The following PTPRD variants were observed in gnomAD, a reference collection of about 807,000 sequenced individuals.
PTPRD encodes the protein receptor-type tyrosine-protein phosphatase delta.
A neutral mutation model predicts 214.5 loss-of-function variants in PTPRD; 34 were observed. That is an observed-to-expected ratio of 0.16 (90% CI 0.12 to 0.21). PTPRD has a LOEUF of 0.21. Among genes scored for constraint, PTPRD ranks in the 10% least tolerant of loss-of-function variants. The pLI is 1.00. For synonymous variants in PTPRD, 1,128 were observed against 845.7 expected, an observed-to-expected ratio of 1.33 and a Z score of -5.79; for missense variants, 2,545 against 2,398.7, an observed-to-expected ratio of 1.06 and a Z score of -1.27.
intron 4 of PTPRD, among the ~76,000 whole-genome samples, chr9:10,002,509 C>T (rs2096350600): frequency 2.0e-5 from 3 of 150,610 alleles, no homozygotes. Context: ...GTCATGAAAA[C>T]TGTTACCAAA....
At chr9:9,077,696 G>A (rs1171524080) in intron 10 of PTPRD, among the ~76,000 whole-genome samples, 1 of 151,964 alleles carries the variant, frequency 6.6e-6, no homozygotes, top group East Asian at 1.9e-4. Flanking sequence ...TCACTTTACT[G>A]GGGGAGGGAG....
intron 12 of PTPRD, among the ~76,000 whole-genome samples, chr9:8,658,656 A>G (rs1378353347): frequency 1.4e-5 from 2 of 147,674 alleles, no homozygotes; most frequent in African/African-American, 5.1e-5. Flanking sequence ...CAGCATCTAG[A>G]TAAAAGCACA....
At chr9:10,220,933 A>G (rs1219604933) in intron 3 of PTPRD, among the ~76,000 whole-genome samples, 2 of 151,924 alleles carry the variant, frequency 1.3e-5, no homozygotes, top group African/African-American at 2.4e-5. Context: ...CAAAAAATAA[A>G]TAAATAAAAC....
rs150808571 is a variant in PTPRD at position 9,792,701 on chromosome 9, A to G, written c.-367-25850T>C. On this transcript the variant is annotated intron_variant, in intron 5 of 45. Coordinates refer to ENST00000381196, the MANE Select transcript of PTPRD (RefSeq NM_002839.4). ...ACTATATGAGAGTATAAATCATAATAGCTCATTGAAAATCAGAATGCAAAT... is the reference window on the plus strand; with the variant it reads ...ACTATATGAGAGTATAAATCATAATGGCTCATTGAAAATCAGAATGCAAAT... Among the ~76,000 whole-genome samples the G allele has an allele frequency of 1.7e-4, 26 of 152,304 alleles. 1 individual carries two copies. The East Asian group carries it at 4.6e-3, about 27-fold the overall frequency.
At chr9:8,767,261 G>C (rs914203006) in intron 11 of PTPRD, among the ~76,000 whole-genome samples, 1 of 152,034 alleles carries the variant, frequency 6.6e-6, no homozygotes, top group African/African-American at 2.4e-5. Flanking sequence ...GGGATTACAG[G>C]TGTGCACCAC....
intron 3 of PTPRD, among the ~76,000 whole-genome samples, chr9:10,188,432 T>C (rs1004336071): frequency 2.6e-5 from 4 of 152,300 alleles, no homozygotes; most frequent in African/African-American, 9.6e-5. Context: ...TTTATAGTTG[T>C]CTTTCCTAGA....
chr9:8,770,035 C>T (rs2095079367), intron 11 of PTPRD, among the ~76,000 whole-genome samples: 1 of 152,166 alleles, frequency 6.6e-6, no homozygotes, highest in African/African-American at 2.4e-5. Flanking sequence ...AATCCCAGCA[C>T]TTTGGGAGGC....
chr9:9,525,866 C>T (rs632770), intron 8 of PTPRD, among the ~76,000 whole-genome samples: 128,509 of 151,618 alleles, frequency 0.85, 55,075 homozygotes, highest in East Asian at 1. Context: ...AACTTGACTG[C>T]TTTACAAATA....
At chr9:9,759,732 T>C (rs1886132) in intron 6 of PTPRD, among the ~76,000 whole-genome samples, 18,306 of 151,706 alleles carry the variant, frequency 0.12, 1,830 homozygotes, top group African/African-American at 0.27. Flanking sequence ...TAACTTTTTT[T>C]ATTTTTAGTA....
chr9:9,177,283 C>T (rs1183213163), intron 10 of PTPRD, among the ~76,000 whole-genome samples: 3 of 151,928 alleles, frequency 2.0e-5, no homozygotes, highest in Non-Finnish European at 4.4e-5. Context: ...AAACTGCCCC[C>T]ATGATTCAAT....
intron 12 of PTPRD, among the ~76,000 whole-genome samples, chr9:8,730,235 G>A (rs764332069): frequency 3.1e-4 from 47 of 152,076 alleles, no homozygotes; most frequent in Non-Finnish European, 6.3e-4. Context: ...CAGCCTAGGC[G>A]ACTGAGCGAG....
chr9:9,448,701 C>T (rs1460305152), intron 8 of PTPRD, among the ~76,000 whole-genome samples: 1 of 151,948 alleles, frequency 6.6e-6, no homozygotes, highest in Non-Finnish European at 1.5e-5. Context: ...CTTACATGGG[C>T]ATGATATTTA....
intron 3 of PTPRD, among the ~76,000 whole-genome samples, chr9:10,340,741 T>G (rs2096923432): frequency 6.6e-6 from 1 of 151,936 alleles, no homozygotes; most frequent in Non-Finnish European, 1.5e-5. Context: ...TGAGCAATAC[T>G]GTCAGAAGAT....
At position 9,280,435 on chromosome 9, in the gene PTPRD, G is replaced by T. The variant is rs1947273716; in HGVS notation, c.-202-97072C>A. The stretch of plus-strand genomic sequence containing the variant: ...ACCAGTAAGTGATTATTGAAAGGTT[G>T]CAGAATATAAGACTAATTTATAAAA... On this transcript the variant is annotated intron_variant, in intron 9 of 45. Coordinates refer to ENST00000381196, the MANE Select transcript of PTPRD (RefSeq NM_002839.4). 2.0e-5 allele frequency among the ~76,000 whole-genome samples: 3 copies of T among 151,218 alleles called. No homozygotes were observed. The South Asian group carries it at 6.2e-4, about 31-fold the overall frequency.
intron 12 of PTPRD, among the ~76,000 whole-genome samples, chr9:8,725,384 C>G (rs1359244374): frequency 6.6e-6 from 1 of 152,132 alleles, no homozygotes; most frequent in Non-Finnish European, 1.5e-5. Context: ...GTAGTTAACT[C>G]AATGCTTGGC....
chr9:10,265,707 T>A (rs954864056), intron 3 of PTPRD, among the ~76,000 whole-genome samples: 1 of 151,988 alleles, frequency 6.6e-6, no homozygotes, highest in African/African-American at 2.4e-5. Flanking sequence ...CAAAAATAAA[T>A]AAGGAAACAA....
intron 11 of PTPRD, among the ~76,000 whole-genome samples, chr9:8,849,306 G>A (rs898380590): frequency 6.6e-6 from 1 of 151,600 alleles, no homozygotes; most frequent in Non-Finnish European, 1.5e-5. Context: ...CTCCCGAGTA[G>A]CTGGGACTAT....
chr9:10,533,093 G>A (rs1049426262), intron 2 of PTPRD, among the ~76,000 whole-genome samples: 2 of 151,918 alleles, frequency 1.3e-5, no homozygotes, highest in Non-Finnish European at 2.9e-5. Flanking sequence ...AAAACAGTCT[G>A]GCATCCTGGG....
intron 9 of PTPRD, among the ~76,000 whole-genome samples, chr9:9,193,177 T>C (rs1400850935): frequency 2.6e-5 from 4 of 152,154 alleles, no homozygotes; most frequent in Non-Finnish European, 5.9e-5. Flanking sequence ...TTATTTCTGG[T>C]AGCAAATTAT....
Sources: gnomAD v4.1 joint callset for allele counts (sites outside exome capture counted in the v4.1 genomes callset) on GRCh38, gnomAD v4.1.1 for gene constraint, MANE v1.5 for transcripts, NCBI Gene and HGNC (gene_info 2026-07-23, HGNC 2026-07-21) for gene names.